Variants in PLD5 observed in about 807,000 individuals in gnomAD.
The protein encoded by PLD5 is phospholipase D family member 5.
In PLD5, 36 loss-of-function variants were observed where a neutral mutation model predicts 61.1. The ratio of observed to expected loss-of-function variants is 0.59; its 90% CI spans 0.45 to 0.78. PLD5 has a LOEUF of 0.78. PLD5 is among the 30% of genes least tolerant of loss of function. The probability of loss-of-function intolerance (pLI) is 0.00; values close to 1 mark genes in which losing one functional copy is unlikely to be tolerated. For missense variants in PLD5, 515 were observed against 644.4 expected (o/e 0.80, Z 2.17); for synonymous variants, 243 against 242.8 (o/e 1.00, Z -0.01).
At chr1:242,408,098 T>G (rs560861445) in intron 1 of PLD5, among the ~76,000 whole-genome samples, 1 of 152,202 alleles carries the variant, frequency 6.6e-6, no homozygotes, top group Non-Finnish European at 1.5e-5. Flanking sequence ...CTCCAGTGAC[T>G]AACTTATCCT....
intron 1 of PLD5, among the ~76,000 whole-genome samples, chr1:242,495,202 G>A (rs1668330499): frequency 6.6e-6 from 1 of 151,950 alleles, no homozygotes; most frequent in Admixed American, 6.6e-5. Context: ...AATTGACAAA[G>A]TCCTCTCCAA....
intron 1 of PLD5, among the ~76,000 whole-genome samples, chr1:242,401,869 G>A (rs1663954408): frequency 6.6e-6 from 1 of 152,186 alleles, no homozygotes; most frequent in South Asian, 2.1e-4. Flanking sequence ...TGCTTGTCCT[G>A]TTCATCTGTG....
At chr1:242,102,592 G>C (rs1660767716) in intron 8 of PLD5, among the ~76,000 whole-genome samples, 2 of 152,296 alleles carry the variant, frequency 1.3e-5, no homozygotes, top group East Asian at 3.9e-4. Flanking sequence ...TTGGAGGTGG[G>C]GGTGCCCACT....
At chr1:242,191,125 A>G (rs374047801) in intron 5 of PLD5, among the ~76,000 whole-genome samples, 2 of 145,228 alleles carry the variant, frequency 1.4e-5, no homozygotes, top group Admixed American at 6.7e-5. Context: ...TAAACTATGG[A>G]GTTTTTTTTT....
At chr1:242,274,382 T>C (rs1487977674) in intron 3 of PLD5, among the ~76,000 whole-genome samples, 3 of 152,204 alleles carry the variant, frequency 2.0e-5, no homozygotes, top group Non-Finnish European at 4.4e-5. Flanking sequence ...TGAGGGTCTG[T>C]TTCTATCAAA....
At position 242,274,804 on chromosome 1, in the gene PLD5, C is replaced by T. The variant is rs190217617; in HGVS notation, c.496-9356G>A. Among the ~76,000 whole-genome samples the T allele has an allele frequency of 6.2e-3, 946 of 152,144 alleles. 10 individuals are homozygous for T. Among genetic ancestry groups the T allele is most frequent in the African/African-American group, 0.022 (908 of 41,530 alleles). ...TATGGCCAACAGACATAGGGAGATG[C>T]TTTTTGTAATCAAGGAAGCTCAAAG... is the stretch of plus-strand genomic sequence containing the variant. On this transcript the variant is annotated intron_variant, in intron 3 of 9. Transcript: ENST00000536534.
intron 5 of PLD5, among the ~76,000 whole-genome samples, chr1:242,139,387 G>GCATTTTT (rs1363896226): frequency 6.6e-6 from 1 of 152,028 alleles, no homozygotes; most frequent in African/African-American, 2.4e-5. Context: ...CCTGGTCACT[G>GCATTTTT]CAAAAGATTC....
chr1:242,478,359 A>AC (rs1321035076), intron 1 of PLD5, among the ~76,000 whole-genome samples: 1 of 152,036 alleles, frequency 6.6e-6, no homozygotes, highest in African/African-American at 2.4e-5. Context: ...AATTCCAAAG[A>AC]CCTCTGGGTG....
At chr1:242,211,709 G>A (rs1176206380) in intron 5 of PLD5, among the ~76,000 whole-genome samples, 1 of 152,142 alleles carries the variant, frequency 6.6e-6, no homozygotes, top group East Asian at 1.9e-4. Context: ...AAAGGATCAC[G>A]ATGGACCCCC....
intron 1 of PLD5, among the ~76,000 whole-genome samples, chr1:242,349,021 T>A (rs1004077363): frequency 6.6e-6 from 1 of 152,276 alleles, no homozygotes; most frequent in African/African-American, 2.4e-5. Context: ...ACCACTGCAC[T>A]CCAGCCTGGG....
rs1671556422 is a variant in PLD5 at position 242,235,129 on chromosome 1, G to A, written c.608-15014C>T. On this transcript the variant is annotated intron_variant, in intron 4 of 9. Transcript: ENST00000536534. Reference sequence around the variant, plus strand: ...CTCTGTGCAGTTCCCTTTTGTAACCGCTCATCACAAGAGTCATTTCTTATT... The same window carrying A: ...CTCTGTGCAGTTCCCTTTTGTAACCACTCATCACAAGAGTCATTTCTTATT... 2.6e-5 allele frequency among the ~76,000 whole-genome samples: 4 copies of A among 152,192 alleles called. No individual in the cohort carries two copies. In the South Asian group the frequency reaches 6.2e-4, roughly 24 times the overall value.
intron 1 of PLD5, among the ~76,000 whole-genome samples, chr1:242,411,761 T>G (rs1664571625): frequency 6.6e-6 from 1 of 152,204 alleles, no homozygotes; most frequent in East Asian, 1.9e-4. Context: ...TGGCAACGTC[T>G]TGCAAAATTA....
At chr1:242,409,433 C>T (rs147482886) in intron 1 of PLD5, among the ~76,000 whole-genome samples, 61 of 151,610 alleles carry the variant, frequency 4.0e-4, no homozygotes, top group African/African-American at 1.3e-3. Flanking sequence ...GGAAAATTGT[C>T]CATGTTGCCT....
intron 1 of PLD5, among the ~76,000 whole-genome samples, chr1:242,381,697 A>C (rs1227245270): frequency 6.6e-6 from 1 of 152,118 alleles, no homozygotes. Flanking sequence ...TATATTTAAT[A>C]TTTGTATATA....
At chr1:242,129,989 C>T (rs750423548) in intron 5 of PLD5, among the ~76,000 whole-genome samples, 4 of 151,774 alleles carry the variant, frequency 2.6e-5, no homozygotes, top group Non-Finnish European at 5.9e-5. Context: ...TTTTTTGTGG[C>T]TAAATAGTAT....
chr1:242,425,279 T>A (rs1329581906), intron 1 of PLD5, among the ~76,000 whole-genome samples: 1 of 152,226 alleles, frequency 6.6e-6, no homozygotes, highest in Non-Finnish European at 1.5e-5. Flanking sequence ...CCAGGATATA[T>A]GGTAGAGCCT....
At chr1:242,167,595 C>A (rs1019446862) in intron 5 of PLD5, among the ~76,000 whole-genome samples, 1 of 152,150 alleles carries the variant, frequency 6.6e-6, no homozygotes, top group South Asian at 2.1e-4. Context: ...TTTATGGAAC[C>A]TTTAATAACT....
intron 1 of PLD5, among the ~76,000 whole-genome samples, chr1:242,502,056 C>A (rs1205052441): frequency 6.6e-6 from 1 of 152,082 alleles, no homozygotes; most frequent in Non-Finnish European, 1.5e-5. Flanking sequence ...ATCTTATCTA[C>A]TCTTAGGACT....
chr1:242,352,867 T>C (rs1660553723), intron 1 of PLD5, among the ~76,000 whole-genome samples: 1 of 152,214 alleles, frequency 6.6e-6, no homozygotes, highest in South Asian at 2.1e-4. Flanking sequence ...GAAAGCCCTT[T>C]ACTTATTTCT....
Sources: allele counts gnomAD v4.1 joint callset (sites outside exome capture counted in the v4.1 genomes callset), GRCh38; gene constraint gnomAD v4.1.1; transcripts MANE v1.5; gene names NCBI Gene and HGNC (gene_info 2026-07-23, HGNC 2026-07-21).